GRAMD4: variants seen among roughly 807,000 people sequenced by gnomAD.
GRAMD4 encodes the protein GRAM domain-containing protein 4.
In GRAMD4, 25 loss-of-function variants were observed where a neutral mutation model predicts 83.9. The observed-to-expected ratio is 0.30, with a 90% CI of 0.22 to 0.42. GRAMD4 has a LOEUF of 0.42. Ranked by LOEUF, GRAMD4 falls within the 10% of genes least tolerant of loss-of-function variation. The pLI, the probability that GRAMD4 is intolerant of heterozygous loss-of-function variation, is 1.00. For missense variants in GRAMD4, 593 were observed against 788.7 expected (o/e 0.75, Z 2.97); for synonymous variants, 336 against 320.9 (o/e 1.05, Z -0.50).
chr22:46,679,122 C>T lies in GRAMD4; in HGVS notation c.*1871C>T. On this transcript the variant is annotated 3_prime_UTR_variant, in exon 19 of 19. Transcript: ENST00000406902. The stretch of plus-strand genomic sequence containing the variant: ...CCAGGGGCGGCTGCAGAGGCAGTGC[C>T]CGCAGACAATGGCCACACCTCTCTC... The T allele has an allele frequency of 1.0e-6, 1 of 985,530 alleles. No individual in the cohort carries two copies. Among genetic ancestry groups the T allele is most frequent in the Non-Finnish European group, 1.2e-6 (1 of 829,972 alleles). 61.0% of individuals were successfully genotyped at this position (985,530 alleles called of 1,614,324 possible). A position where few individuals can be genotyped will look rare whatever the true frequency, so the allele number is the denominator to read the frequency against.
intron 13 of GRAMD4, among the ~76,000 whole-genome samples, chr22:46,670,632 CTCAG>C (rs1482465078): frequency 6.6e-6 from 1 of 151,994 alleles, no homozygotes. Context: ...AAGACAGCGT[CTCAG>C]TCTGTCTCAC....
chr22:46,615,942 G>A (rs1313300497), upstream of GRAMD4, among the ~76,000 whole-genome samples: 23 of 121,154 alleles, frequency 1.9e-4, no homozygotes, highest in Non-Finnish European at 3.4e-4. Flanking sequence ...GTGCGTGTGG[G>A]TTCCCCCATG....
At position 46,622,656 on chromosome 22, in the gene GRAMD4, G is replaced by A. The variant is rs986972221; in HGVS notation, c.-50+2091G>A. Reference sequence around the variant, plus strand: ...GGGCTGAGCACGGCGGCTCACGCCTGTAATCCCAGCACTTTGGGAGGCCGA... The same window carrying A: ...GGGCTGAGCACGGCGGCTCACGCCTATAATCCCAGCACTTTGGGAGGCCGA... On this transcript the variant is annotated intron_variant, in intron 1 of 18. Coordinates refer to ENST00000406902, the MANE Select transcript of GRAMD4 (RefSeq NM_015124.5). The surrounding 1 kb of genome is among the most constrained non-coding windows in gnomAD (Gnocchi z 4.0). 7.2e-5 allele frequency among the ~76,000 whole-genome samples: 11 copies of A among 152,218 alleles called. No individual in the cohort carries two copies. Among genetic ancestry groups the A allele is most frequent in the Non-Finnish European group, 1.6e-4 (11 of 68,042 alleles).
At chr22:46,578,112 T>G (rs1383962197) in intron 1 of GRAMD4, among the ~76,000 whole-genome samples, 1 of 152,164 alleles carries the variant, frequency 6.6e-6, no homozygotes, top group Non-Finnish European at 1.5e-5. Context: ...CTTTTTCGGC[T>G]ATTGTCAACC....
chr22:46,640,686 C>G (rs2081961833), intron 3 of GRAMD4, among the ~76,000 whole-genome samples: 1 of 152,092 alleles, frequency 6.6e-6, no homozygotes, highest in South Asian at 2.1e-4. Context: ...TCAAATGTAT[C>G]CAGAAATGGA....
At chr22:46,614,227 G>T (rs1239991056) in intron 1 of GRAMD4, among the ~76,000 whole-genome samples, 1 of 152,224 alleles carries the variant, frequency 6.6e-6, no homozygotes, top group Non-Finnish European at 1.5e-5. Flanking sequence ...TGGCAGAAAC[G>T]CTGTGCAATG....
At chr22:46,651,944 C>T (rs899632559) in intron 3 of GRAMD4, among the ~76,000 whole-genome samples, 1 of 152,134 alleles carries the variant, frequency 6.6e-6, no homozygotes, top group African/African-American at 2.4e-5. Context: ...GTTTTATGAC[C>T]CAAGGACTGC....
intron 1 of GRAMD4, chr22:46,577,325 C>T: frequency 2.0e-6 from 2 of 979,768 alleles, no homozygotes; most frequent in South Asian, 9.1e-5. Flanking sequence ...CCTACCCCGA[C>T]CTGGTTGCCC....
chr22:46,586,714 A>T (rs748649803), intron 1 of GRAMD4, among the ~76,000 whole-genome samples: 61 of 152,216 alleles, frequency 4.0e-4, no homozygotes, highest in Admixed American at 9.8e-4. Flanking sequence ...CTGCTGGGAC[A>T]TGAGTTGGGG....
chr22:46,658,183 A>C lies in GRAMD4; in HGVS notation c.284-4A>C. 6.2e-7 allele frequency: 1 copy of C among 1,611,414 alleles called. No individual in the cohort carries two copies. Among genetic ancestry groups the C allele is most frequent in the East Asian group, 2.2e-5 (1 of 44,676 alleles). On this transcript the variant is annotated splice_region_variant and splice_polypyrimidine_tract_variant and intron_variant, in intron 3 of 18. Transcript: ENST00000406902. ...TGGTCACCTGGCCGTTCTCTCCCCCATAGAGGAGGAGCTCCGGAAGCTGCG... is the reference window on the plus strand; with the variant it reads ...TGGTCACCTGGCCGTTCTCTCCCCCCTAGAGGAGGAGCTCCGGAAGCTGCG...
At chr22:46,637,100 A>T (rs2081901105) in intron 2 of GRAMD4, among the ~76,000 whole-genome samples, 1 of 151,896 alleles carries the variant, frequency 6.6e-6, no homozygotes, top group African/African-American at 2.4e-5. Context: ...TGGCTCGTGG[A>T]GGCGCCCGCA....
Position 46,678,361 on chromosome 22 carries a change from G to A in GRAMD4, c.*1110G>A, listed in dbSNP as rs3747253. 0.26 allele frequency: 259,085 copies of A among 983,226 alleles called. 35,980 individuals are homozygous for A. Among genetic ancestry groups the A allele is most frequent in the East Asian group, 0.36 (3,169 of 8,730 alleles). The allele number at this position is 983,226 out of a possible 1,614,324, so 60.9% of individuals were successfully genotyped here. A position where few individuals can be genotyped will look rare whatever the true frequency, so the allele number is the denominator to read the frequency against. ...GACATGCGACAGCGTTCCCTCCCCC[G>A]CGTGCCTAGCCGGTGCCGGTCCGGG... On this transcript the variant is annotated 3_prime_UTR_variant, in exon 19 of 19. Coordinates refer to ENST00000406902, the MANE Select transcript of GRAMD4 (RefSeq NM_015124.5).
chr22:46,616,393 C>CCCCTGTGCGTGTAGGTTCCCCCGT (rs1569262684), upstream of GRAMD4, among the ~76,000 whole-genome samples: 10 of 51,568 alleles, frequency 1.9e-4, no homozygotes, highest in African/African-American at 4.6e-4. Flanking sequence ...TTCCCCTGTG[C>CCCCTGTGCGTGTAGGTTCCCCCGT]GTGTAGGTTC....
At chr22:46,589,651 A>G (rs1159883066) in intron 1 of GRAMD4, among the ~76,000 whole-genome samples, 1 of 152,102 alleles carries the variant, frequency 6.6e-6, no homozygotes, top group Non-Finnish European at 1.5e-5. Context: ...TGCAGGGCCC[A>G]TGCCCTGTGG....
At chr22:46,648,815 G>C (rs934287955) in intron 3 of GRAMD4, among the ~76,000 whole-genome samples, 5 of 132,930 alleles carry the variant, frequency 3.8e-5, no homozygotes, top group South Asian at 2.4e-4. Flanking sequence ...TGGATGGATG[G>C]ATGGATGGAT....
upstream of GRAMD4, among the ~76,000 whole-genome samples, chr22:46,617,191 T>G (rs1376654276): frequency 1.1e-5 from 1 of 92,404 alleles, no homozygotes; most frequent in Non-Finnish European, 2.2e-5. Flanking sequence ...TGTAGGTTCC[T>G]CCGTGTGTAG....
In GRAMD4 at chr22:46,621,786, C is replaced by T. The variant is rs1316733139; in HGVS notation, c.-50+1221C>T. Among the ~76,000 whole-genome samples, 1 of 152,220 alleles carries T rather than the reference C, an allele frequency of 6.6e-6. No homozygotes were observed. Among genetic ancestry groups the T allele is most frequent in the Non-Finnish European group, 1.5e-5 (1 of 68,030 alleles). ...GCTGGAAGTGTAGCCCGGGCCCATC[C>T]CTGGTGGTGAAGGCTGGAAGGTCCA... On this transcript the variant is annotated intron_variant, in intron 1 of 18. Coordinates refer to ENST00000406902, the MANE Select transcript of GRAMD4 (RefSeq NM_015124.5). The surrounding 1 kb of genome is among the most constrained non-coding windows in gnomAD (Gnocchi z 5.8).
At chr22:46,601,463 T>C (rs1427155791) in intron 1 of GRAMD4, among the ~76,000 whole-genome samples, 1 of 151,744 alleles carries the variant, frequency 6.6e-6, no homozygotes, top group African/African-American at 2.4e-5. Context: ...GGGTTTTTTG[T>C]TTTTATTTTA....
At position 46,666,809 on chromosome 22, in the gene GRAMD4, G is replaced by A. The variant is rs201447332; in HGVS notation, c.810-16G>A. ...GTGGCGCTGTCCTAAAGGTGTGTGTGTTTTCTGTTCGCCAGGGGGTGGCGG... is the reference window on the plus strand; with the variant it reads ...GTGGCGCTGTCCTAAAGGTGTGTGTATTTTCTGTTCGCCAGGGGGTGGCGG... On this transcript the variant is annotated splice_polypyrimidine_tract_variant and intron_variant, in intron 9 of 18. Coordinates refer to ENST00000406902, the MANE Select transcript of GRAMD4 (RefSeq NM_015124.5). The A allele has an allele frequency of 1.9e-6, 3 of 1,609,678 alleles. No homozygotes were observed. The highest frequency in any genetic ancestry group is 1.7e-5 in the Admixed American group (1 of 59,756).
Sources: gnomAD v4.1 joint callset for allele counts (sites outside exome capture counted in the v4.1 genomes callset) on GRCh38, gnomAD v4.1.1 for gene constraint, Gnocchi (gnomAD v3.1) non-coding constraint, MANE v1.5 for transcripts, NCBI Gene and HGNC (gene_info 2026-07-23, HGNC 2026-07-21) for gene names.